SNX31: variants seen among roughly 807,000 people sequenced by gnomAD.
SNX31 encodes the protein sorting nexin-31.
Under a neutral mutation model 65.4 loss-of-function variants are expected in SNX31, and 58 were observed. That is an observed-to-expected ratio of 0.89 (90% CI 0.72 to 1.10). The LOEUF (loss-of-function observed/expected upper bound fraction) is 1.10, where lower values mean the gene tolerates loss of function less well. Ranked by LOEUF, SNX31 falls within the 50% of genes least tolerant of loss-of-function variation. The pLI is 0.00. For missense variants in SNX31, 523 were observed against 529.7 expected (o/e 0.99, Z 0.12); for synonymous variants, 181 against 190.1 (o/e 0.95, Z 0.39).
rs146875559 is a variant in SNX31, at chr8:100,636,065, A to T, written c.142-54T>A. 8.2e-6 allele frequency: 11 copies of T among 1,346,948 alleles called. No individual in the cohort carries two copies. The African/African-American group carries it at 1.4e-4, about 18-fold the overall frequency. The allele number at this position is 1,346,948 out of a possible 1,614,324, so 83.4% of individuals were successfully genotyped here. On this transcript the variant is annotated intron_variant, in intron 2 of 13. Coordinates refer to ENST00000311812, the MANE Select transcript of SNX31 (RefSeq NM_152628.4). The stretch of plus-strand genomic sequence containing the variant: ...CAGGTGAGCCGCCAGTTCAGGGTTG[A>T]TGAGATTACTAAAGTCTCCTTTAGG...
At chr8:100,573,993 A>G (rs112486101) in intron 13 of SNX31, 33 bp from the exon 14 acceptor site, 18 of 1,238,706 alleles carry the variant, frequency 1.5e-5, no homozygotes, top group African/African-American at 9.3e-5. Flanking sequence ...AGAAATGTAA[A>G]TGAAAGGAAA....
rs1352799956 is a variant in SNX31, at chr8:100,613,380, G to GTCT, written c.433-298_433-296dup. ...TCAGATGTGGACTCACTCCCGGATT[G>GTCT]TCTTGGTCTTTATTTTCCCCTGGAG... On this transcript the variant is annotated intron_variant, in intron 5 of 13. Transcript: ENST00000311812. This position sits in a 1 kb window ranked among gnomAD's most constrained non-coding sequence, Gnocchi z 5.2. 2.0e-5 allele frequency among the ~76,000 whole-genome samples: 3 copies of GTCT among 152,316 alleles called. No individual in the cohort carries two copies. The highest frequency in any genetic ancestry group is 2.0e-4 in the Admixed American group (3 of 15,298).
At chr8:100,634,163 C>T (rs994675935) in intron 3 of SNX31, among the ~76,000 whole-genome samples, 1 of 152,166 alleles carries the variant, frequency 6.6e-6, no homozygotes, top group African/African-American at 2.4e-5. Flanking sequence ...CCTAATCTTG[C>T]CAACAACAGT....
intron 13 of SNX31, among the ~76,000 whole-genome samples, chr8:100,574,689 C>T (rs568724121): frequency 3.3e-5 from 5 of 150,644 alleles, no homozygotes; most frequent in Admixed American, 6.6e-5. Context: ...AATCCCAGCA[C>T]GTTGGGAGGC....
chr8:100,588,570 A>G lies in SNX31; in HGVS notation c.1092+296T>C, dbSNP rs1267604780. The stretch of plus-strand genomic sequence containing the variant: ...GAGACTGTATGGATCTCAAATCCTA[A>G]AATATTTACTATCCTTTAAGAAAAA... On this transcript the variant is annotated intron_variant, in intron 11 of 13. Coordinates refer to ENST00000311812, the MANE Select transcript of SNX31 (RefSeq NM_152628.4). This position sits in a 1 kb window ranked among gnomAD's most constrained non-coding sequence, Gnocchi z 4.8. Among the ~76,000 whole-genome samples the G allele has an allele frequency of 6.6e-6, 1 of 152,194 alleles. No individual in the cohort carries two copies. The highest frequency in any genetic ancestry group is 1.5e-5 in the Non-Finnish European group (1 of 68,032).
At position 100,610,397 on chromosome 8, in the gene SNX31, A is replaced by T. The variant is rs571969383; in HGVS notation, c.611+1603T>A. ...TTTGCTTCCTATAATCACCATCATC[A>T]TCAATATAACAGTCACAAACATGAC... is the stretch of plus-strand genomic sequence containing the variant. On this transcript the variant is annotated intron_variant, in intron 7 of 13. Coordinates refer to ENST00000311812, the MANE Select transcript of SNX31 (RefSeq NM_152628.4). The surrounding 1 kb of genome is among the most constrained non-coding windows in gnomAD (Gnocchi z 4.0). 6.6e-6 allele frequency among the ~76,000 whole-genome samples: 1 copy of T among 150,450 alleles called. No individual in the cohort carries two copies. The highest frequency in any genetic ancestry group is 2.4e-5 in the African/African-American group (1 of 40,916).
Position 100,630,194 on chromosome 8 carries a change from T to A in SNX31, c.321+133A>T. 5.6e-6 allele frequency: 4 copies of A among 712,604 alleles called. No individual in the cohort carries two copies. The South Asian group carries it at 7.8e-5, about 14-fold the overall frequency. 44.1% of individuals were successfully genotyped at this position (712,604 alleles called of 1,614,324 possible). ...GAACCATCCCCCAATTGACTTGAAA[T>A]GAATATATTTTGTCCAAGTCCAGGC... On this transcript the variant is annotated intron_variant, in intron 4 of 13. Coordinates refer to ENST00000311812, the MANE Select transcript of SNX31 (RefSeq NM_152628.4). The surrounding 1 kb of genome is among the most constrained non-coding windows in gnomAD (Gnocchi z 5.3).
At chr8:100,663,205 T>C (rs1264488035) in exon 1 of SNX31, 1 of 151,936 alleles carries the variant, frequency 6.6e-6, no homozygotes, top group Non-Finnish European at 1.5e-5. Flanking sequence ...CTCAGCACCA[T>C]GCAATATACT....
At chr8:100,655,265 T>C (rs1477339736) in intron 1 of SNX31, among the ~76,000 whole-genome samples, 4 of 152,268 alleles carry the variant, frequency 2.6e-5, no homozygotes, top group African/African-American at 9.6e-5. Context: ...CAGGAAGAGT[T>C]AACTGGTAAG....
chr8:100,612,957 C>T lies in SNX31; in HGVS notation c.523+38G>A. On this transcript the variant is annotated intron_variant, in intron 6 of 13. Coordinates refer to ENST00000311812, the MANE Select transcript of SNX31 (RefSeq NM_152628.4). This position sits in a 1 kb window ranked among gnomAD's most constrained non-coding sequence, Gnocchi z 4.3. ...GAGCCCCTGCTCACACCTGTCCACC[C>T]CATCTCCTAGCTGATTCATTTGTTC... is the stretch of plus-strand genomic sequence containing the variant. 1.3e-6 allele frequency: 2 copies of T among 1,579,500 alleles called. No individual in the cohort carries two copies.
rs562766439 is a variant in SNX31, at chr8:100,625,801, C to T, written c.321+4526G>A. On this transcript the variant is annotated intron_variant, in intron 4 of 13. Transcript: ENST00000311812. This position sits in a 1 kb window ranked among gnomAD's most constrained non-coding sequence, Gnocchi z 4.2. ...CTCAGCCTGTCTGAGAGCGCTACTC[C>T]GGGCCCCACTGGACACCACCTAGTG... 2.6e-5 allele frequency among the ~76,000 whole-genome samples: 4 copies of T among 152,268 alleles called. No individual in the cohort carries two copies. The East Asian group carries it at 5.8e-4, about 22-fold the overall frequency.
At position 100,610,350 on chromosome 8, in the gene SNX31, C is replaced by A. The variant is rs1288237448; in HGVS notation, c.611+1650G>T. ...AAGCGCACATGAGTGAAAATCTAAG[C>A]CCCAAAGATTTTTTTTTTTTTTTTG... is the stretch of plus-strand genomic sequence containing the variant. On this transcript the variant is annotated intron_variant, in intron 7 of 13. Transcript: ENST00000311812. The surrounding 1 kb of genome is among the most constrained non-coding windows in gnomAD (Gnocchi z 4.0). Among the ~76,000 whole-genome samples, 1 of 93,508 alleles carries A rather than the reference C, an allele frequency of 1.1e-5. No individual in the cohort carries two copies. The highest frequency in any genetic ancestry group is 2.1e-5 in the Non-Finnish European group (1 of 48,600). 61.3% of individuals were successfully genotyped at this position (93,508 alleles called of 152,430 possible).
rs559679338 is a variant in SNX31 at position 100,580,848 on chromosome 8, A to G, written c.1170+3263T>C. ...ATTACATGCAGCAAAACCTAACTCT[A>G]ACTAATATACTTTATTTTTAAATAA... On this transcript the variant is annotated intron_variant, in intron 12 of 13. Coordinates refer to ENST00000311812, the MANE Select transcript of SNX31 (RefSeq NM_152628.4). Among the ~76,000 whole-genome samples, 4 of 152,230 alleles carry G rather than the reference A, an allele frequency of 2.6e-5. No homozygotes were observed. The South Asian group carries it at 8.3e-4, about 32-fold the overall frequency.
intron 4 of SNX31, chr8:100,618,183 G>A: frequency 7.0e-7 from 1 of 1,434,870 alleles, no homozygotes; most frequent in Non-Finnish European, 9.1e-7. Context: ...GCAGAGATTG[G>A]AAGGGTTGTT....
intron 4 of SNX31, among the ~76,000 whole-genome samples, chr8:100,627,700 G>T (rs570440558): frequency 6.6e-6 from 1 of 152,084 alleles, no homozygotes; most frequent in African/African-American, 2.4e-5. Context: ...CACCACGACC[G>T]GCTAAATTTT....
At chr8:100,584,812 C>T (rs906629363) in intron 11 of SNX31, among the ~76,000 whole-genome samples, 46 of 147,424 alleles carry the variant, frequency 3.1e-4, no homozygotes, top group African/African-American at 1.1e-3. Flanking sequence ...GCTGTGGCTG[C>T]GATCTTGGCT....
In SNX31 at chr8:100,598,572, T is replaced by C. The variant is rs185622968; in HGVS notation, c.775-1730A>G. Reference sequence around the variant, plus strand: ...ACTTATGTAAAATGCCTGTTGGCATTTGACATTCGATAAAAGGGTGTTGTG... The same window carrying C: ...ACTTATGTAAAATGCCTGTTGGCATCTGACATTCGATAAAAGGGTGTTGTG... On this transcript the variant is annotated intron_variant, in intron 9 of 13. Coordinates refer to ENST00000311812, the MANE Select transcript of SNX31 (RefSeq NM_152628.4). Among the ~76,000 whole-genome samples, 141 of 152,164 alleles carry C rather than the reference T, an allele frequency of 9.3e-4. 5 individuals carry two copies. The highest frequency in any genetic ancestry group is 3.3e-3 in the African/African-American group (135 of 41,412).
At position 100,660,257 on chromosome 8, in the gene SNX31, A is replaced by G. The variant is rs1039156931; in HGVS notation, c.-58+2885T>C. Among the ~76,000 whole-genome samples, 3 of 152,236 alleles carry G rather than the reference A, an allele frequency of 2.0e-5. No individual in the cohort carries two copies. Among genetic ancestry groups the G allele is most frequent in the Non-Finnish European group, 4.4e-5 (3 of 68,048 alleles). ...GCTAATGGTATTAGCAGTAGTAATA[A>G]TAGTAGAATGCTGATTTTCAGATTA... On this transcript the variant is annotated intron_variant, in intron 1 of 5. Coordinates refer to the SNX31 transcript ENST00000520352. The surrounding 1 kb of genome is among the most constrained non-coding windows in gnomAD (Gnocchi z 4.1).
Position 100,613,905 on chromosome 8 carries a change from A to G in SNX31, c.433-820T>C, listed in dbSNP as rs1563550499. Among the ~76,000 whole-genome samples the G allele has an allele frequency of 6.6e-6, 1 of 152,004 alleles. No homozygotes were observed. Among genetic ancestry groups the G allele is most frequent in the Non-Finnish European group, 1.5e-5 (1 of 68,010 alleles). On this transcript the variant is annotated intron_variant, in intron 5 of 13. Coordinates refer to ENST00000311812, the MANE Select transcript of SNX31 (RefSeq NM_152628.4). This position sits in a 1 kb window ranked among gnomAD's most constrained non-coding sequence, Gnocchi z 5.2. ...TTCTTTATACTCCTGGTCTTAACTCACTAAATCACCTCTGTACCACGCAAG... is the reference window on the plus strand; with the variant it reads ...TTCTTTATACTCCTGGTCTTAACTCGCTAAATCACCTCTGTACCACGCAAG...
Sources: gnomAD v4.1 joint callset for allele counts (sites outside exome capture counted in the v4.1 genomes callset) on GRCh38, gnomAD v4.1.1 for gene constraint, Gnocchi (gnomAD v3.1) non-coding constraint, MANE v1.5 for transcripts, NCBI Gene and HGNC (gene_info 2026-07-23, HGNC 2026-07-21) for gene names.